SLC12A2: variants seen among roughly 807,000 people sequenced by gnomAD.
SLC12A2 encodes Na-K-2Cl cotransporter 1.
In SLC12A2, 67 loss-of-function variants were observed where a neutral mutation model predicts 136.3. The ratio of observed to expected loss-of-function variants is 0.49; its 90% confidence interval spans 0.40 to 0.60. The LOEUF is 0.60. SLC12A2 is among the 20% of genes least tolerant of loss of function. The pLI, the probability that SLC12A2 is intolerant of heterozygous loss-of-function variation, is 0.00. For missense variants in SLC12A2, 1,322 were observed against 1,534.7 expected (o/e 0.86, Z 2.32); for synonymous variants, 619 against 562.9 (o/e 1.10, Z -1.41).
At chr5:128,172,340 T>C (rs531128521) in intron 19 of SLC12A2, among the ~76,000 whole-genome samples, 1 of 151,214 alleles carries the variant, frequency 6.6e-6, no homozygotes, top group East Asian at 1.9e-4. Context: ...AGCCAGGAAA[T>C]TGACATTAGA....
At chr5:128,121,250 T>C (rs1761563687) in intron 4 of SLC12A2, among the ~76,000 whole-genome samples, 1 of 152,214 alleles carries the variant, frequency 6.6e-6, no homozygotes, top group Admixed American at 6.5e-5. Flanking sequence ...AGTCAAAATG[T>C]AGAAAATAAA....
chr5:128,163,582 G>A (rs529422747), intron 17 of SLC12A2, among the ~76,000 whole-genome samples: 1 of 151,812 alleles, frequency 6.6e-6, no homozygotes, highest in African/African-American at 2.4e-5. Context: ...AAAAAGAATC[G>A]GAAGTAACAA....
Position 128,084,085 on chromosome 5 carries a change from A to C in SLC12A2, c.131A>C (p.Glu44Ala). The change falls in exon 1 of 27, where the codon GAG becomes GCG. Residue 44 changes from glutamate (E) to alanine (A), a missense_variant. Physicochemically the swap from Glu to Ala is moderately radical, Grantham distance 107. Transcript: ENST00000262461. The surrounding 1 kb of genome is among the most constrained non-coding windows in gnomAD (Gnocchi z 5.6). The stretch of plus-strand genomic sequence containing the variant: ...GGCACGGCTGTGCCCTCGGTGCCGG[A>C]GGATGCTGCGCCCGCGAGCCGGGAC... ...LPGTAVPSVP[E>A]DAAPASRDGG... 7.6e-7 allele frequency: 1 copy of C among 1,316,822 alleles called. No individual in the cohort carries two copies. Among genetic ancestry groups the C allele is most frequent in the Non-Finnish European group, 9.6e-7 (1 of 1,037,350 alleles). 81.6% of individuals were successfully genotyped at this position (1,316,822 alleles called of 1,614,324 possible).
intron 1 of SLC12A2, among the ~76,000 whole-genome samples, chr5:128,097,824 T>G (rs1369385799): frequency 1.3e-5 from 2 of 152,150 alleles, no homozygotes; most frequent in African/African-American, 4.8e-5. Context: ...CATTCTTTTT[T>G]GTTTATCAGA....
intron 1 of SLC12A2, among the ~76,000 whole-genome samples, chr5:128,094,713 G>GT (rs1332121517): frequency 2.6e-5 from 4 of 151,994 alleles, no homozygotes; most frequent in Admixed American, 2.6e-4. Context: ...TGGAATCTTA[G>GT]TTTTTTGTAT....
intron 24 of SLC12A2, 55 bp from the exon 25 acceptor site, chr5:128,184,311 C>G: frequency 1.8e-6 from 2 of 1,125,212 alleles, no homozygotes; most frequent in South Asian, 4.1e-5. Context: ...TAAGATCTTC[C>G]TGTTATGTAA....
chr5:128,131,460 G>A (rs1163541252), intron 5 of SLC12A2, among the ~76,000 whole-genome samples: 3 of 151,608 alleles, frequency 2.0e-5, no homozygotes, highest in Non-Finnish European at 2.9e-5. Flanking sequence ...TCAGGAGATC[G>A]AGGCGAGCGG....
chr5:128,100,890 A>C (rs1158328951), intron 1 of SLC12A2, among the ~76,000 whole-genome samples: 1 of 152,196 alleles, frequency 6.6e-6, no homozygotes, highest in Admixed American at 6.5e-5. Context: ...AAGCAATGCT[A>C]TTTCTAATGC....
At chr5:128,107,438 C>G (rs190507664) in intron 1 of SLC12A2, among the ~76,000 whole-genome samples, 2 of 152,280 alleles carry the variant, frequency 1.3e-5, no homozygotes, top group Admixed American at 1.3e-4. Flanking sequence ...GCTGTCCCTC[C>G]CCTACCCCTC....
intron 1 of SLC12A2, among the ~76,000 whole-genome samples, chr5:128,106,620 G>A (rs1467830068): frequency 2.6e-5 from 4 of 152,160 alleles, no homozygotes; most frequent in African/African-American, 7.2e-5. Flanking sequence ...GCCAGAAGAT[G>A]ATAGAGAAGA....
chr5:128,171,818 C>G, intron 19 of SLC12A2, 72 bp downstream of exon 19: 1 of 872,384 alleles, frequency 1.1e-6, no homozygotes, highest in Non-Finnish European at 1.8e-6. Flanking sequence ...TATATTCTCA[C>G]AAACTGGGCT....
intron 7 of SLC12A2, among the ~76,000 whole-genome samples, chr5:128,137,009 C>T (rs1272514020): frequency 1.3e-5 from 2 of 152,136 alleles, no homozygotes; most frequent in East Asian, 3.9e-4. Flanking sequence ...CTAATCCTTT[C>T]CTAATCAGTG....
At chr5:128,106,722 T>C (rs1445077138) in intron 1 of SLC12A2, among the ~76,000 whole-genome samples, 2 of 152,200 alleles carry the variant, frequency 1.3e-5, no homozygotes, top group Non-Finnish European at 2.9e-5. Context: ...GTATGTAGTA[T>C]GGTGGAGAGC....
intron 1 of SLC12A2, among the ~76,000 whole-genome samples, chr5:128,102,676 GATCAC>G (rs1215632204): frequency 7.6e-6 from 1 of 131,150 alleles, no homozygotes. Context: ...GCAGTGGTGT[GATCAC>G]AGCTCAGTGC....
intron 1 of SLC12A2, among the ~76,000 whole-genome samples, chr5:128,089,160 CTT>C (rs1405729425): frequency 8.4e-6 from 1 of 119,114 alleles, no homozygotes; most frequent in African/African-American, 3.1e-5. Flanking sequence ...AAGAGCAAAA[CTT>C]TGTCTCCAAA....
chr5:128,156,239 C>A (rs1033725331), intron 15 of SLC12A2, among the ~76,000 whole-genome samples: 1 of 152,146 alleles, frequency 6.6e-6, no homozygotes, highest in Non-Finnish European at 1.5e-5. Flanking sequence ...ATAGCTTCCT[C>A]ATGTGCTTTC....
chr5:128,152,685 A>G lies in SLC12A2; in HGVS notation c.2264-21A>G, dbSNP rs532020685. On this transcript the variant is annotated intron_variant, in intron 14 of 26. Coordinates refer to ENST00000262461, the MANE Select transcript of SLC12A2 (RefSeq NM_001046.3). ...TTGTTATTACTGATGTTAATGCTGC[A>G]TGAACATTATCTTCCCACAGATGTG... 7 of 1,466,322 alleles carry G rather than the reference A, an allele frequency of 4.8e-6. 1 individual carries two copies. The highest frequency in any genetic ancestry group is 1.7e-4 in the Middle Eastern group (1 of 5,806). The allele number at this position is 1,466,322 out of a possible 1,614,324, so 90.8% of individuals were successfully genotyped here. A position where few individuals can be genotyped will look rare whatever the true frequency, so the allele number is the denominator to read the frequency against.
intron 1 of SLC12A2, 120 bp from the exon 2 acceptor site, chr5:128,112,694 C>T (rs1390757825): frequency 3.1e-6 from 2 of 635,650 alleles, no homozygotes; most frequent in African/African-American, 1.9e-5. Flanking sequence ...ACCCTTGATT[C>T]TTGGAAATCT....
At chr5:128,148,992 A>C in intron 12 of SLC12A2, 115 bp downstream of exon 12, 1 of 934,476 alleles carries the variant, frequency 1.1e-6, no homozygotes, top group Non-Finnish European at 1.6e-6. Context: ...TTTGTAATCA[A>C]AGAAAGTTTA....
Sources: allele counts gnomAD v4.1 joint callset (sites outside exome capture counted in the v4.1 genomes callset), GRCh38; gene constraint gnomAD v4.1.1; non-coding constraint Gnocchi (gnomAD v3.1); transcripts MANE v1.5; gene names NCBI Gene and HGNC (gene_info 2026-07-23, HGNC 2026-07-21).